The following TBC1D12 variants were observed in gnomAD, a reference collection of about 807,000 sequenced individuals.
TBC1D12 encodes the protein TBC1 domain family member 12.
Under a neutral mutation model 86.7 loss-of-function variants are expected in TBC1D12, and 56 were observed. The observed-to-expected ratio is 0.65, with a 90% confidence interval of 0.52 to 0.81. TBC1D12 has a LOEUF of 0.81. Ranked by LOEUF, TBC1D12 falls within the 30% of genes least tolerant of loss-of-function variation. The pLI, the probability that TBC1D12 is intolerant of heterozygous loss-of-function variation, is 0.00. For synonymous variants in TBC1D12, 421 were observed against 411.7 expected (o/e 1.02, Z -0.27); for missense variants, 1,023 against 1,038.8 (o/e 0.98, Z 0.21).
chr10:94,535,570 C>G lies in TBC1D12; in HGVS notation c.*2474C>G, dbSNP rs182427602. 2 of 152,056 alleles carry G rather than the reference C, an allele frequency of 1.3e-5. No homozygotes were observed. The highest frequency in any genetic ancestry group is 2.4e-5 in the African/African-American group (1 of 41,392). The allele number at this position is 152,056 out of a possible 1,614,324, so 9.4% of individuals were successfully genotyped here. On this transcript the variant is annotated 3_prime_UTR_variant, in exon 13 of 13. Coordinates refer to ENST00000225235, the MANE Select transcript of TBC1D12 (RefSeq NM_015188.2). ...AGGTAATTGCTATTATAGGGACTTA[C>G]TTATTGGAGACTGGTAATATAATAA...
intron 1 of TBC1D12, among the ~76,000 whole-genome samples, chr10:94,418,695 C>A (rs2055033547): frequency 6.6e-6 from 1 of 151,928 alleles, no homozygotes; most frequent in East Asian, 1.9e-4. Context: ...CCTCAGCCTC[C>A]CGAGTAGCTG....
chr10:94,513,689 A>G (rs1267037255), intron 9 of TBC1D12, among the ~76,000 whole-genome samples: 1 of 151,858 alleles, frequency 6.6e-6, no homozygotes, highest in Non-Finnish European at 1.5e-5. Context: ...TCAGCCTCCC[A>G]GGTAGCTGGG....
At position 94,486,433 on chromosome 10, in the gene TBC1D12, C is replaced by A. The variant is rs565648721; in HGVS notation, c.1212-6932C>A. On this transcript the variant is annotated intron_variant, in intron 3 of 12. Coordinates refer to ENST00000225235, the MANE Select transcript of TBC1D12 (RefSeq NM_015188.2). Reference sequence around the variant, plus strand: ...TTTTTCTTCTTTTTTGATGTAGGCACCTATAGCTATAAATTTCCCTTTTAG... The same window carrying A: ...TTTTTCTTCTTTTTTGATGTAGGCAACTATAGCTATAAATTTCCCTTTTAG... 4.0e-5 allele frequency among the ~76,000 whole-genome samples: 6 copies of A among 148,830 alleles called. No homozygotes were observed. In the South Asian group the frequency reaches 1.3e-3, roughly 32 times the overall value.
At chr10:94,463,559 C>G (rs921550868) in intron 2 of TBC1D12, among the ~76,000 whole-genome samples, 1 of 152,236 alleles carries the variant, frequency 6.6e-6, no homozygotes, top group Non-Finnish European at 1.5e-5. Flanking sequence ...AAGGCTCCCC[C>G]ACCCCTGCCC....
At position 94,493,442 on chromosome 10, in the gene TBC1D12, A is replaced by G. The variant is rs780107398; in HGVS notation, c.1289A>G (p.Lys430Arg). ...GATGAGATGGTGGCTGAGGCTAAAA[A>G]ACGAGGTATAAAATTTAACTCCAAA... Reference protein sequence around the residue: ...EYDEMVAEAKKREIKEAHKRK... With the variant: ...EYDEMVAEAKRREIKEAHKRK... Residue 430 changes from lysine to arginine, a missense_variant, in exon 4 of 13, where the codon AAA (lysine) becomes AGA (arginine). Coordinates refer to ENST00000225235, the MANE Select transcript of TBC1D12 (RefSeq NM_015188.2). 2 of 1,609,644 alleles carry G rather than the reference A, an allele frequency of 1.2e-6. No homozygotes were observed. Among genetic ancestry groups the G allele is most frequent in the Non-Finnish European group, 1.7e-6 (2 of 1,178,060 alleles).
At chr10:94,481,761 T>C (rs746673267) in intron 3 of TBC1D12, among the ~76,000 whole-genome samples, 3 of 151,832 alleles carry the variant, frequency 2.0e-5, no homozygotes, top group Non-Finnish European at 4.4e-5. Flanking sequence ...CCTAACTGGC[T>C]GAAGAGGCCA....
chr10:94,422,427 A>T (rs566310058), intron 1 of TBC1D12, among the ~76,000 whole-genome samples: 1 of 152,172 alleles, frequency 6.6e-6, no homozygotes. Context: ...TGACCTCGTG[A>T]TCTGCCTGCC....
intron 11 of TBC1D12, among the ~76,000 whole-genome samples, chr10:94,524,106 G>A (rs1483408171): frequency 6.6e-6 from 1 of 152,084 alleles, no homozygotes; most frequent in Non-Finnish European, 1.5e-5. Flanking sequence ...GTTCCTAATA[G>A]GCATACAGCT....
chr10:94,508,017 G>A (rs1240027289), intron 7 of TBC1D12, among the ~76,000 whole-genome samples: 2 of 152,128 alleles, frequency 1.3e-5, no homozygotes, highest in Non-Finnish European at 2.9e-5. Context: ...TTGCACTTTA[G>A]TAGAAATTAA....
chr10:94,487,585 G>T (rs1470438633), intron 3 of TBC1D12, among the ~76,000 whole-genome samples: 2 of 151,324 alleles, frequency 1.3e-5, no homozygotes, highest in Non-Finnish European at 2.9e-5. Context: ...CTAGCAAAAA[G>T]AAAACTAATA....
At chr10:94,404,970 C>G (rs906118781) in intron 1 of TBC1D12, among the ~76,000 whole-genome samples, 2 of 151,586 alleles carry the variant, frequency 1.3e-5, no homozygotes, top group Non-Finnish European at 2.9e-5. Context: ...TCGTTTGAAC[C>G]CAGAAGGCGG....
At chr10:94,436,285 G>A (rs1236358485) in intron 1 of TBC1D12, among the ~76,000 whole-genome samples, 4 of 150,912 alleles carry the variant, frequency 2.7e-5, no homozygotes, top group East Asian at 2.0e-4. Flanking sequence ...ACAGGCGCGC[G>A]CCACCACGCC....
chr10:94,419,873 T>G (rs2055051268), intron 1 of TBC1D12, among the ~76,000 whole-genome samples: 3 of 152,224 alleles, frequency 2.0e-5, no homozygotes, highest in African/African-American at 4.8e-5. Context: ...GTGGTTTAGA[T>G]ATGGCTTTTG....
intron 2 of TBC1D12, among the ~76,000 whole-genome samples, chr10:94,455,740 G>T (rs1398377575): frequency 1.3e-5 from 2 of 152,154 alleles, no homozygotes. Context: ...GACCAGCCTG[G>T]CCGACGTGGT....
chr10:94,494,414 T>C (rs2056287344), intron 4 of TBC1D12, among the ~76,000 whole-genome samples: 1 of 152,258 alleles, frequency 6.6e-6, no homozygotes, highest in South Asian at 2.1e-4. Context: ...TCTTTAATGT[T>C]AAGTAAACAT....
At chr10:94,443,699 G>A (rs557194186) in intron 2 of TBC1D12, among the ~76,000 whole-genome samples, 3 of 152,088 alleles carry the variant, frequency 2.0e-5, no homozygotes, top group Non-Finnish European at 4.4e-5. Flanking sequence ...ACTTTTCTGT[G>A]GCATCATATC....
At chr10:94,472,953 A>T (rs896649020) in intron 2 of TBC1D12, among the ~76,000 whole-genome samples, 7 of 152,214 alleles carry the variant, frequency 4.6e-5, no homozygotes, top group East Asian at 1.9e-4. Flanking sequence ...ACTAAAGATG[A>T]ATATGAAACT....
At chr10:94,415,927 C>T (rs2054992777) in intron 1 of TBC1D12, among the ~76,000 whole-genome samples, 1 of 152,132 alleles carries the variant, frequency 6.6e-6, no homozygotes, top group South Asian at 2.1e-4. Context: ...AATAACACAG[C>T]TGAGAACTAT....
intron 2 of TBC1D12, among the ~76,000 whole-genome samples, chr10:94,465,961 CATGTATGTGTATAT>C: frequency 6.6e-6 from 1 of 150,870 alleles, no homozygotes; most frequent in African/African-American, 2.4e-5. Flanking sequence ...TATGTATATA[CATGTATGTGTATAT>C]ATACACATAT....
Sources: allele counts gnomAD v4.1 joint callset (sites outside exome capture counted in the v4.1 genomes callset), GRCh38; gene constraint gnomAD v4.1.1; transcripts MANE v1.5; gene names NCBI Gene and HGNC (gene_info 2026-07-23, HGNC 2026-07-21).